IAH1: variants seen among roughly 807,000 people sequenced by gnomAD.
IAH1 encodes the protein isoamyl acetate hydrolyzing esterase 1 (putative).
In IAH1, 24 loss-of-function variants were observed where a neutral mutation model predicts 26.7. That is an observed-to-expected ratio of 0.90 (90% CI 0.65 to 1.26). The LOEUF (loss-of-function observed/expected upper bound fraction) is 1.26. IAH1 is among the 50% of genes most tolerant of loss of function. The pLI, the probability that IAH1 is intolerant of heterozygous loss-of-function variation, is 0.00. For missense variants in IAH1, 300 were observed against 299.9 expected (o/e 1.00, Z 0.00); for synonymous variants, 140 against 118.5 (o/e 1.18, Z -1.18).
intron 6 of IAH1, among the ~76,000 whole-genome samples, chr2:9,496,094 C>T (rs898088805): frequency 6.6e-6 from 1 of 151,984 alleles, no homozygotes; most frequent in Admixed American, 6.6e-5. Context: ...ATTTAACTAC[C>T]GGGTTCTTTG....
At chr2:9,482,684 G>A (rs892781766) in intron 4 of IAH1, among the ~76,000 whole-genome samples, 4 of 152,198 alleles carry the variant, frequency 2.6e-5, no homozygotes, top group Admixed American at 2.6e-4. Context: ...TGTTGAGTGG[G>A]GTTGTAGCTA....
upstream of IAH1, chr2:9,474,497 A>C (rs2124886101): frequency 1.0e-6 from 1 of 953,874 alleles, no homozygotes; most frequent in East Asian, 3.4e-5. This position sits in a 1 kb window ranked among gnomAD's most constrained non-coding sequence, Gnocchi z 4.3. Flanking sequence ...GGCTCCCGCA[A>C]CCCACGGGCG....
the IAH1 span, among the ~76,000 whole-genome samples, chr2:9,503,207 A>G: frequency 6.6e-6 from 1 of 151,810 alleles, no homozygotes; most frequent in Non-Finnish European, 1.5e-5. Flanking sequence ...CATAGCTAAG[A>G]CACTCGGCAG....
chr2:9,508,715 A>G, the IAH1 span, among the ~76,000 whole-genome samples: 1 of 152,186 alleles, frequency 6.6e-6, no homozygotes, highest in Non-Finnish European at 1.5e-5. Flanking sequence ...TACTGGGCAG[A>G]GCAGACACAA....
chr2:9,508,735 C>T, the IAH1 span, among the ~76,000 whole-genome samples: 7 of 152,246 alleles, frequency 4.6e-5, no homozygotes, highest in East Asian at 1.9e-4. Context: ...AAACATCCCC[C>T]GCCCCGCAGC....
Position 9,484,431 on chromosome 2 carries a change from G to A in IAH1, c.446-1G>A. The stretch of plus-strand genomic sequence containing the variant: ...CCACCTCTATTTCTTCTCTTCAATA[G>A]GTTGCAAACTAAATCGCCTGAACTC... On this transcript the variant is annotated splice_acceptor_variant, in intron 4 of 5. Transcript: ENST00000497473. LOFTEE classifies it high-confidence loss of function. 2 of 1,613,032 alleles carry A rather than the reference G, an allele frequency of 1.2e-6. No individual in the cohort carries two copies. The highest frequency in any genetic ancestry group is 1.7e-6 in the Non-Finnish European group (2 of 1,178,960).
At chr2:9,504,730 C>T in the IAH1 span, among the ~76,000 whole-genome samples, 14 of 150,140 alleles carry the variant, frequency 9.3e-5, no homozygotes, top group Non-Finnish European at 1.9e-4. Context: ...CCACTGCACT[C>T]CAGCCTGGCG....
Position 9,483,268 on chromosome 2 carries a change from G to A in IAH1, c.446-1164G>A, listed in dbSNP as rs559923205. 1.7e-4 allele frequency among the ~76,000 whole-genome samples: 26 copies of A among 152,152 alleles called. No individual in the cohort carries two copies. The South Asian group carries it at 3.7e-3, about 22-fold the overall frequency. On this transcript the variant is annotated intron_variant, in intron 4 of 5. Coordinates refer to ENST00000497473, the MANE Select transcript of IAH1 (RefSeq NM_001039613.3). ...AATTCAGCAGGTTATTTTTTGAGAT[G>A]GTCTTGCTGTGTCACCCAGGCTGTG...
chr2:9,502,157 C>G, the IAH1 span: 2 of 1,607,186 alleles, frequency 1.2e-6, no homozygotes, highest in Non-Finnish European at 1.7e-6. Context: ...TCCAAGGAAG[C>G]AACAAGAACA....
chr2:9,485,828 G>C (rs924915142), intron 5 of IAH1: 3 of 152,252 alleles, frequency 2.0e-5, no homozygotes, highest in African/African-American at 7.2e-5. Context: ...TAAAGAGCTT[G>C]TTCAGTAGGG....
chr2:9,488,084 G>T, intron 5 of IAH1, 63 bp from the exon 6 acceptor site: 2 of 1,123,452 alleles, frequency 1.8e-6, no homozygotes, highest in South Asian at 3.3e-5. Context: ...GTGTTGGAAT[G>T]ACAGGGGTGA....
At chr2:9,502,453 C>A in the IAH1 span, among the ~76,000 whole-genome samples, 1 of 152,176 alleles carries the variant, frequency 6.6e-6, no homozygotes, top group East Asian at 1.9e-4. Context: ...CACACTTTGT[C>A]CCTTCCTAAT....
At position 9,478,120 on chromosome 2, in the gene IAH1, C is replaced by T. The variant is rs189507218; in HGVS notation, c.135-102C>T. 2.8e-4 allele frequency: 281 copies of T among 1,021,170 alleles called. 1 individual carries two copies. In the African/African-American group the frequency reaches 3.8e-3, roughly 14 times the overall value. 63.3% of individuals were successfully genotyped at this position (1,021,170 alleles called of 1,614,324 possible). A position where few individuals can be genotyped will look rare whatever the true frequency, so the allele number is the denominator to read the frequency against. On this transcript the variant is annotated intron_variant, in intron 2 of 5. Transcript: ENST00000497473. ...CTGGGGGTGGCTCAGAGACACGTGA[C>T]GGGTTTAGAATCCCAGAGAGCACAC...
downstream of IAH1, chr2:9,497,154 G>A (rs773721139): frequency 1.2e-6 from 2 of 1,614,198 alleles, no homozygotes; most frequent in South Asian, 1.1e-5. Flanking sequence ...CCCTCTCGCA[G>A]AAAGGGATGC....
chr2:9,487,829 T>TGCGCGC (rs1480132308), intron 5 of IAH1, among the ~76,000 whole-genome samples: 3 of 78,894 alleles, frequency 3.8e-5, no homozygotes, highest in African/African-American at 1.6e-4. Context: ...TGTGTGTGTG[T>TGCGCGC]GTGTGCGCGC....
chr2:9,503,955 C>T, the IAH1 span, among the ~76,000 whole-genome samples: 1 of 151,894 alleles, frequency 6.6e-6, no homozygotes, highest in African/African-American at 2.4e-5. Context: ...GACTTTACAA[C>T]AAGCTTGGGC....
intron 4 of IAH1, among the ~76,000 whole-genome samples, chr2:9,482,877 T>G (rs1349608649): frequency 6.6e-6 from 1 of 152,158 alleles, no homozygotes; most frequent in African/African-American, 2.4e-5. Context: ...GGGGCCCTAT[T>G]GCTGTGCATG....
the IAH1 span, among the ~76,000 whole-genome samples, chr2:9,502,879 C>CAAAAAAAAAAAAA: frequency 2.3e-5 from 1 of 43,594 alleles, no homozygotes; most frequent in Non-Finnish European, 4.0e-5. Context: ...AATTCTGTCT[C>CAAAAAAAAAAAAA]AAAAAAAAAA....
intron 5 of IAH1, chr2:9,486,829 CAA>C (rs57303971): frequency 4.0e-4 from 45 of 112,618 alleles, no homozygotes; most frequent in Non-Finnish European, 3.8e-4. Flanking sequence ...GACTCTAGCT[CAA>C]AAAAAAAAAA....
Sources: gnomAD v4.1 joint callset for allele counts (sites outside exome capture counted in the v4.1 genomes callset) on GRCh38, gnomAD v4.1.1 for gene constraint, Gnocchi (gnomAD v3.1) non-coding constraint, MANE v1.5 for transcripts, NCBI Gene and HGNC (gene_info 2026-07-23, HGNC 2026-07-21) for gene names.